LRP1B: variants seen among roughly 807,000 people sequenced by gnomAD.
The protein encoded by LRP1B is low-density lipoprotein receptor-related protein 1B.
LRP1B carries 217 observed loss-of-function variants against 556.6 expected under a neutral mutation model. The ratio of observed to expected loss-of-function variants is 0.39; its 90% confidence interval spans 0.35 to 0.44. The LOEUF (loss-of-function observed/expected upper bound fraction) is 0.44. Among genes scored for constraint, LRP1B ranks in the 20% least tolerant of loss-of-function variants. The pLI is 1.00. For synonymous variants in LRP1B, 2,047 were observed against 1,865.8 expected, an observed-to-expected ratio of 1.10 and a Z score of -2.50; for missense variants, 5,053 against 5,620.8, an observed-to-expected ratio of 0.90 and a Z score of 3.23.
chr2:140,555,372 T>C (rs1206146607), intron 43 of LRP1B, among the ~76,000 whole-genome samples: 1 of 152,080 alleles, frequency 6.6e-6, no homozygotes, highest in African/African-American at 2.4e-5. Flanking sequence ...ATTCCATACA[T>C]TTGAAAAAAA....
intron 2 of LRP1B, among the ~76,000 whole-genome samples, chr2:141,534,803 C>T (rs552849951): frequency 1.3e-5 from 2 of 152,166 alleles, no homozygotes; most frequent in African/African-American, 2.4e-5. Context: ...GGGCATTTTC[C>T]TTTTGGTCCT....
chr2:141,518,822 C>T (rs567353564), intron 2 of LRP1B, among the ~76,000 whole-genome samples: 6 of 152,042 alleles, frequency 3.9e-5, no homozygotes, highest in East Asian at 1.9e-4. Context: ...TGGTGGCGGG[C>T]GCCTGTAATC....
intron 3 of LRP1B, among the ~76,000 whole-genome samples, chr2:141,450,481 A>G (rs1273328930): frequency 6.6e-6 from 1 of 152,168 alleles, no homozygotes; most frequent in African/African-American, 2.4e-5. Context: ...GGTGCAGAGT[A>G]AACTCAAGAC....
chr2:140,518,986 C>T (rs1363415206), intron 49 of LRP1B, among the ~76,000 whole-genome samples: 1 of 152,110 alleles, frequency 6.6e-6, no homozygotes, highest in Non-Finnish European at 1.5e-5. Flanking sequence ...GAAGAACAGT[C>T]CATGCTTATG....
At chr2:141,595,343 T>C (rs1289071054) in intron 2 of LRP1B, among the ~76,000 whole-genome samples, 1 of 152,130 alleles carries the variant, frequency 6.6e-6, no homozygotes, top group Non-Finnish European at 1.5e-5. Flanking sequence ...GTAATTGTGT[T>C]ACAATGTAAC....
At chr2:141,926,988 T>C (rs1285392779) in intron 1 of LRP1B, among the ~76,000 whole-genome samples, 1 of 152,152 alleles carries the variant, frequency 6.6e-6, no homozygotes, top group Non-Finnish European at 1.5e-5. Context: ...GAAAGTAGAC[T>C]GCTTTGATTG....
intron 66 of LRP1B, among the ~76,000 whole-genome samples, chr2:140,433,868 C>A (rs1686058856): frequency 6.7e-6 from 1 of 148,630 alleles, no homozygotes; most frequent in Non-Finnish European, 1.5e-5. Context: ...AGTCAAAATG[C>A]AAGGGTATAT....
chr2:140,807,479 T>G (rs1325814486), intron 32 of LRP1B, among the ~76,000 whole-genome samples: 1 of 150,964 alleles, frequency 6.6e-6, no homozygotes, highest in African/African-American at 2.4e-5. Flanking sequence ...TAGCTGGGAT[T>G]ACAGGCACCC....
At chr2:141,788,201 C>G (rs1005550519) in intron 2 of LRP1B, among the ~76,000 whole-genome samples, 1 of 152,072 alleles carries the variant, frequency 6.6e-6, no homozygotes, top group Non-Finnish European at 1.5e-5. Flanking sequence ...TTGCTTGCAA[C>G]AAACCTAGGA....
At chr2:141,942,923 C>T (rs1700854697) in intron 1 of LRP1B, among the ~76,000 whole-genome samples, 1 of 152,170 alleles carries the variant, frequency 6.6e-6, no homozygotes, top group Non-Finnish European at 1.5e-5. Context: ...TATTGTTCTA[C>T]TGAAAGATGT....
Position 140,504,672 on chromosome 2 carries a change from C to A in LRP1B, c.8522-1569G>T, listed in dbSNP as rs530847590. On this transcript the variant is annotated intron_variant, in intron 53 of 90. Coordinates refer to ENST00000389484, the MANE Select transcript of LRP1B (RefSeq NM_018557.3). The stretch of plus-strand genomic sequence containing the variant: ...AATTAACCCTTAACCTCTTGTATCC[C>A]AACATTCATTAACAGCAGCACCAAT... Among the ~76,000 whole-genome samples, 248 of 152,266 alleles carry A rather than the reference C, an allele frequency of 1.6e-3. 1 individual carries two copies. The highest frequency in any genetic ancestry group is 4.7e-4 in the Non-Finnish European group (32 of 68,010).
intron 3 of LRP1B, among the ~76,000 whole-genome samples, chr2:141,438,736 A>G (rs1680857386): frequency 6.6e-6 from 1 of 152,176 alleles, no homozygotes; most frequent in African/African-American, 2.4e-5. Flanking sequence ...AGTAGTGCCC[A>G]CAATGAAAGC....
At chr2:142,047,939 G>T (rs562968418) in intron 1 of LRP1B, among the ~76,000 whole-genome samples, 1 of 151,940 alleles carries the variant, frequency 6.6e-6, no homozygotes, top group African/African-American at 2.4e-5. Context: ...TGAAATTCTG[G>T]GATTTTGTGT....
chr2:140,498,016 T>A (rs1689024016), intron 55 of LRP1B, among the ~76,000 whole-genome samples: 6 of 151,828 alleles, frequency 4.0e-5, no homozygotes, highest in African/African-American at 1.2e-4. Context: ...TGGTCTCAAA[T>A]AATAAAAAGA....
chr2:141,839,509 G>A (rs1040752065), intron 1 of LRP1B, among the ~76,000 whole-genome samples: 5 of 152,134 alleles, frequency 3.3e-5, no homozygotes, highest in African/African-American at 1.2e-4. Flanking sequence ...GGATTCATAT[G>A]GGAATCTTCT....
chr2:141,714,185 C>T (rs1692480824), intron 2 of LRP1B, among the ~76,000 whole-genome samples: 1 of 152,088 alleles, frequency 6.6e-6, no homozygotes, highest in Non-Finnish European at 1.5e-5. Flanking sequence ...ATATGAAAAA[C>T]TTCAAGTATG....
chr2:141,369,363 CTG>C (rs1192006617), intron 3 of LRP1B, among the ~76,000 whole-genome samples: 4 of 152,016 alleles, frequency 2.6e-5, no homozygotes, highest in Non-Finnish European at 5.9e-5. Context: ...AAGAATAAGA[CTG>C]AAATTCAAGA....
At chr2:141,622,039 G>A (rs566164191) in intron 2 of LRP1B, among the ~76,000 whole-genome samples, 2 of 152,072 alleles carry the variant, frequency 1.3e-5, no homozygotes, top group Admixed American at 6.5e-5. Context: ...TTACAGGCAT[G>A]CATCACCACA....
At chr2:141,706,502 C>T (rs1692142774) in intron 2 of LRP1B, among the ~76,000 whole-genome samples, 1 of 152,104 alleles carries the variant, frequency 6.6e-6, no homozygotes, top group African/African-American at 2.4e-5. Flanking sequence ...ACTCAACTCT[C>T]AGTGTGGTGA....
Sources: allele counts gnomAD v4.1 joint callset (sites outside exome capture counted in the v4.1 genomes callset), GRCh38; gene constraint gnomAD v4.1.1; transcripts MANE v1.5; gene names NCBI Gene and HGNC (gene_info 2026-07-23, HGNC 2026-07-21).